Variants in CNTN5 observed in about 807,000 individuals in gnomAD.
CNTN5 encodes the protein contactin-5.
In CNTN5, 77 loss-of-function variants were observed where a neutral mutation model predicts 129.1. That is an observed-to-expected ratio of 0.60 (90% confidence interval 0.50 to 0.72). CNTN5 has a LOEUF of 0.72. Among genes scored for constraint, CNTN5 ranks in the 30% least tolerant of loss-of-function variants. The pLI is 0.00. For missense variants in CNTN5, 1,478 were observed against 1,328.8 expected (o/e 1.11, Z -1.75); for synonymous variants, 509 against 465.6 (o/e 1.09, Z -1.20).
intron 2 of CNTN5, among the ~76,000 whole-genome samples, chr11:99,530,819 C>T (rs556460943): frequency 6.6e-6 from 1 of 152,308 alleles, no homozygotes; most frequent in African/African-American, 2.4e-5. Flanking sequence ...TAAGAAGTGC[C>T]TTTAGCCCTC....
chr11:99,796,350 G>C (rs953246000), intron 3 of CNTN5, among the ~76,000 whole-genome samples: 1 of 152,094 alleles, frequency 6.6e-6, no homozygotes, highest in African/African-American at 2.4e-5. Context: ...ATCCATTGGG[G>C]AGGGGAGGTG....
At chr11:99,032,900 G>A (rs1207982536) in intron 1 of CNTN5, among the ~76,000 whole-genome samples, 3 of 140,186 alleles carry the variant, frequency 2.1e-5, no homozygotes, top group Non-Finnish European at 3.0e-5. Flanking sequence ...TATGGTTTTA[G>A]GTCTAACGTT....
chr11:99,786,108 G>A lies in CNTN5; in HGVS notation c.56-33436G>A, dbSNP rs76364571. Among the ~76,000 whole-genome samples the A allele has an allele frequency of 0.01, 1,540 of 151,832 alleles. 105 individuals carry two copies. In the East Asian group the frequency reaches 0.14, roughly 14 times the overall value. On this transcript the variant is annotated intron_variant, in intron 3 of 24. Transcript: ENST00000524871. ...CATGATTGTATCTTTAGAAAACCCC[G>A]TCGTCTCAGCCCCAAATCTCCTTAA... is the stretch of plus-strand genomic sequence containing the variant.
At chr11:99,090,691 A>G (rs912759644) in intron 1 of CNTN5, among the ~76,000 whole-genome samples, 1 of 148,362 alleles carries the variant, frequency 6.7e-6, no homozygotes, top group Admixed American at 6.7e-5. Flanking sequence ...TACTGTCAGG[A>G]AGGTAATTTC....
chr11:99,994,405 G>GA (rs986391507), intron 8 of CNTN5, among the ~76,000 whole-genome samples: 6 of 152,100 alleles, frequency 3.9e-5, no homozygotes, highest in East Asian at 1.9e-4. Context: ...CTTAGAAAGA[G>GA]AAAAAAATCA....
At chr11:99,453,644 C>T (rs1944390975) in intron 2 of CNTN5, among the ~76,000 whole-genome samples, 1 of 152,144 alleles carries the variant, frequency 6.6e-6, no homozygotes, top group Admixed American at 6.5e-5. Context: ...AATGAAGCAA[C>T]AAAACCTTGA....
chr11:99,428,191 C>A (rs1943213238), intron 2 of CNTN5, among the ~76,000 whole-genome samples: 1 of 152,064 alleles, frequency 6.6e-6, no homozygotes, highest in East Asian at 1.9e-4. Context: ...TTTACTACTT[C>A]CTTTTACCTT....
chr11:99,906,591 A>G (rs796645583), intron 6 of CNTN5, among the ~76,000 whole-genome samples: 91 of 152,234 alleles, frequency 6.0e-4, no homozygotes, highest in African/African-American at 2.2e-3. Flanking sequence ...CATTAGGAAT[A>G]TTGGGCTGAA....
intron 21 of CNTN5, among the ~76,000 whole-genome samples, chr11:100,325,677 G>A (rs1472909465): frequency 2.6e-5 from 4 of 152,160 alleles, no homozygotes; most frequent in South Asian, 2.1e-4. Context: ...TTGAAAATAC[G>A]AGTAGAGGCT....
intron 1 of CNTN5, among the ~76,000 whole-genome samples, chr11:99,201,353 T>TCCTC: frequency 7.8e-6 from 1 of 128,634 alleles, no homozygotes; most frequent in Non-Finnish European, 1.6e-5. Flanking sequence ...TCCTTTCCTT[T>TCCTC]CCTTCCTTCC....
chr11:99,765,985 C>G (rs866441309), intron 3 of CNTN5, among the ~76,000 whole-genome samples: 4 of 151,948 alleles, frequency 2.6e-5, no homozygotes, highest in South Asian at 2.1e-4. Context: ...GTTTTTATTA[C>G]TCTAAATAAT....
intron 3 of CNTN5, among the ~76,000 whole-genome samples, chr11:99,702,995 T>C (rs1015704302): frequency 6.6e-6 from 1 of 150,878 alleles, no homozygotes; most frequent in Non-Finnish European, 1.5e-5. Context: ...ACTGAGGGAA[T>C]GTATAAACGT....
chr11:99,758,371 T>G (rs1399655137), intron 3 of CNTN5, among the ~76,000 whole-genome samples: 1 of 152,106 alleles, frequency 6.6e-6, no homozygotes. Flanking sequence ...ACTTATACTT[T>G]ATTTGTCAGA....
At chr11:100,132,697 A>G (rs1408931050) in intron 13 of CNTN5, among the ~76,000 whole-genome samples, 1 of 152,136 alleles carries the variant, frequency 6.6e-6, no homozygotes, top group African/African-American at 2.4e-5. Flanking sequence ...CTAAGCAATA[A>G]AATCCCCAAG....
chr11:99,639,099 C>A (rs1376845197), intron 3 of CNTN5, among the ~76,000 whole-genome samples: 2 of 152,224 alleles, frequency 1.3e-5, no homozygotes, highest in South Asian at 2.1e-4. Flanking sequence ...TCCCAAACCT[C>A]AATTCTTGAC....
intron 2 of CNTN5, among the ~76,000 whole-genome samples, chr11:99,384,210 G>C (rs1940781881): frequency 6.6e-6 from 1 of 152,136 alleles, no homozygotes; most frequent in Non-Finnish European, 1.5e-5. Context: ...GAGAGACACT[G>C]TTTGTACGGC....
At chr11:99,141,670 T>C (rs1859522672) in intron 1 of CNTN5, among the ~76,000 whole-genome samples, 1 of 152,232 alleles carries the variant, frequency 6.6e-6, no homozygotes, top group Non-Finnish European at 1.5e-5. Context: ...CTTTCCTGTG[T>C]CGCAGAGTTT....
At chr11:99,842,309 A>G (rs1237010334) in intron 4 of CNTN5, among the ~76,000 whole-genome samples, 1 of 152,234 alleles carries the variant, frequency 6.6e-6, no homozygotes, top group Non-Finnish European at 1.5e-5. Context: ...TATGCATGAG[A>G]AGTATTCAGC....
intron 1 of CNTN5, among the ~76,000 whole-genome samples, chr11:99,302,489 T>C (rs1864687255): frequency 1.3e-5 from 2 of 151,814 alleles, no homozygotes; most frequent in South Asian, 4.1e-4. Flanking sequence ...AAGTGACTAC[T>C]AAATGGTATG....
Sources: allele counts gnomAD v4.1 joint callset (sites outside exome capture counted in the v4.1 genomes callset), GRCh38; gene constraint gnomAD v4.1.1; transcripts MANE v1.5; gene names NCBI Gene and HGNC (gene_info 2026-07-23, HGNC 2026-07-21).